The following ST6GALNAC4 variants were observed in gnomAD, a reference collection of about 807,000 sequenced individuals.
ST6GALNAC4 encodes the protein alpha-N-acetyl-neuraminyl-2,3-beta-galactosyl-1,3-N-acetyl-galactosaminide alpha-2,6-sialyltransferase.
In ST6GALNAC4, 24 loss-of-function variants were observed where a neutral mutation model predicts 30.4. The observed-to-expected ratio is 0.79, with a 90% confidence interval of 0.57 to 1.11. ST6GALNAC4 has a LOEUF of 1.11. ST6GALNAC4 is among the 50% of genes most tolerant of loss of function. ST6GALNAC4 has a pLI of 0.00. For missense variants in ST6GALNAC4, 365 were observed against 430.1 expected (o/e 0.85, Z 1.34); for synonymous variants, 156 against 179.7 (o/e 0.87, Z 1.05).
intron 3 of ST6GALNAC4, 93 bp downstream of exon 3, chr9:127,914,563 T>C (rs1241165852): frequency 5.9e-6 from 5 of 848,064 alleles, no homozygotes; most frequent in Non-Finnish European, 7.9e-6. Context: ...CAGGATCACA[T>C]GGCTGGTGAG....
chr9:127,910,607 C>G, intron 4 of ST6GALNAC4: 2 of 990,368 alleles, frequency 2.0e-6, no homozygotes, highest in East Asian at 1.1e-4. Flanking sequence ...GCCCCCATGC[C>G]CCACTCAGAG....
At chr9:127,916,352 T>C in intron 2 of ST6GALNAC4, 56 bp downstream of exon 2, 3 of 1,612,886 alleles carry the variant, frequency 1.9e-6, no homozygotes, top group Non-Finnish European at 2.5e-6. Context: ...GCTGCTGAGC[T>C]GCTCCGCCAG....
At chr9:127,914,391 CT>C in intron 3 of ST6GALNAC4, among the ~76,000 whole-genome samples, 2 of 73,214 alleles carry the variant, frequency 2.7e-5, no homozygotes, top group African/African-American at 3.5e-5. Context: ...AAAACTCCAT[CT>C]CAAAAAAAAA....
rs1001199065 is a variant in ST6GALNAC4, at chr9:127,916,566, G to A, written c.-75-72C>T. On this transcript the variant is annotated intron_variant, in intron 1 of 5. Coordinates refer to ENST00000335791, the MANE Select transcript of ST6GALNAC4 (RefSeq NM_175039.4). ...GGTTCTAAGCTATAGGGAAAACTGA[G>A]GCAGGAGAGGGTACAGGCCGGGGTG... 3.0e-5 allele frequency: 27 copies of A among 893,010 alleles called. No individual in the cohort carries two copies. In the Admixed American group the frequency reaches 3.7e-4, roughly 12 times the overall value. 55.3% of individuals were successfully genotyped at this position (893,010 alleles called of 1,614,324 possible). A position where few individuals can be genotyped will look rare whatever the true frequency, so the allele number is the denominator to read the frequency against.
chr9:127,912,200 C>G (rs536697673), intron 4 of ST6GALNAC4, 68 bp downstream of exon 4: 1 of 1,546,436 alleles, frequency 6.5e-7, no homozygotes, highest in South Asian at 1.2e-5. Flanking sequence ...CCCTGATGGA[C>G]AAGAGACTCC....
chr9:127,916,092 G>A (rs1831188643), intron 2 of ST6GALNAC4: 3 of 494,186 alleles, frequency 6.1e-6, no homozygotes, highest in Non-Finnish European at 1.1e-5. Context: ...CACAGCCCGG[G>A]GCTTCTGCAG....
intron 4 of ST6GALNAC4, 68 bp from the exon 5 acceptor site, chr9:127,910,126 AG>A (rs1351991741): frequency 2.1e-5 from 33 of 1,575,916 alleles, no homozygotes; most frequent in Non-Finnish European, 2.4e-5. Context: ...AGGCCCCAGC[AG>A]CACTTGGTAC....
intron 4 of ST6GALNAC4, chr9:127,910,594 C>G: frequency 1.0e-6 from 1 of 990,608 alleles, no homozygotes; most frequent in Non-Finnish European, 1.2e-6. Flanking sequence ...CCCCTGCCCG[C>G]ATGCCCCCAT....
In ST6GALNAC4 at chr9:127,908,364, G is replaced by A. The variant is rs113507935; in HGVS notation, c.*28C>T. On this transcript the variant is annotated 3_prime_UTR_variant, in exon 6 of 6. Coordinates refer to ENST00000335791, the MANE Select transcript of ST6GALNAC4 (RefSeq NM_175039.4). Reference sequence around the variant, plus strand: ...TGGGACATCCCGGAGGCCTCGCAACGGCATGGCGACTGGCAGGACGACGGA... The same window carrying A: ...TGGGACATCCCGGAGGCCTCGCAACAGCATGGCGACTGGCAGGACGACGGA... The A allele has an allele frequency of 3.2e-5, 48 of 1,512,598 alleles. No homozygotes were observed. Among genetic ancestry groups the A allele is most frequent in the African/African-American group, 8.3e-5 (6 of 72,472 alleles). The allele number at this position is 1,512,598 out of a possible 1,614,324, so 93.7% of individuals were successfully genotyped here. A position where few individuals can be genotyped will look rare whatever the true frequency, so the allele number is the denominator to read the frequency against.
At chr9:127,911,767 G>A (rs904467578) in intron 4 of ST6GALNAC4, among the ~76,000 whole-genome samples, 3 of 152,190 alleles carry the variant, frequency 2.0e-5, no homozygotes, top group Admixed American at 1.3e-4. Flanking sequence ...TTACAGGCGT[G>A]AGCCACCGGG....
intron 4 of ST6GALNAC4, chr9:127,910,545 A>G (rs1831053631): frequency 2.0e-6 from 2 of 991,364 alleles, no homozygotes; most frequent in Non-Finnish European, 1.2e-6. Flanking sequence ...AGTGGAGATA[A>G]TTTTAGGGGG....
chr9:127,915,373 C>T (rs997293757), intron 2 of ST6GALNAC4, among the ~76,000 whole-genome samples: 33 of 152,226 alleles, frequency 2.2e-4, no homozygotes, highest in Non-Finnish European at 4.4e-5. Flanking sequence ...CAGCCTAGGA[C>T]CAGGGCTGCC....
At chr9:127,913,415 T>C (rs1159064379) in intron 3 of ST6GALNAC4, among the ~76,000 whole-genome samples, 1 of 150,620 alleles carries the variant, frequency 6.6e-6, no homozygotes, top group Admixed American at 6.6e-5. Flanking sequence ...CAAAACCCCA[T>C]CTCTACTAAA....
intron 2 of ST6GALNAC4, among the ~76,000 whole-genome samples, chr9:127,915,261 G>A (rs979867212): frequency 6.6e-6 from 1 of 152,184 alleles, no homozygotes; most frequent in African/African-American, 2.4e-5. Flanking sequence ...TGCCCACCGT[G>A]TGAACTTACG....
At chr9:127,916,644 G>A in intron 1 of ST6GALNAC4, 150 bp from the exon 2 acceptor site, 1 of 605,504 alleles carries the variant, frequency 1.7e-6, no homozygotes. Context: ...AACACCGGAA[G>A]GCAATGTCCC....
chr9:127,913,969 T>G lies in ST6GALNAC4; in HGVS notation c.198+687A>C, dbSNP rs192897400. Among the ~76,000 whole-genome samples the G allele has an allele frequency of 2.6e-5, 4 of 152,134 alleles. No individual in the cohort carries two copies. The East Asian group carries it at 7.7e-4, about 29-fold the overall frequency. The stretch of plus-strand genomic sequence containing the variant: ...CCAGGACGAGACAGGCAAGAACCGG[T>G]GGCGGGAGGCTGAAGCATGAGAATC... On this transcript the variant is annotated intron_variant, in intron 3 of 5. Coordinates refer to ENST00000335791, the MANE Select transcript of ST6GALNAC4 (RefSeq NM_175039.4).
At chr9:127,911,314 C>G (rs1020176138) in intron 4 of ST6GALNAC4, among the ~76,000 whole-genome samples, 2 of 152,098 alleles carry the variant, frequency 1.3e-5, no homozygotes, top group African/African-American at 4.8e-5. Context: ...GGGGGATACA[C>G]CAGAGGCTGA....
Position 127,908,401 on chromosome 9 carries a change from C to T in ST6GALNAC4, c.900G>A (p.Arg300=), listed in dbSNP as rs1313882709. The T allele has an allele frequency of 1.3e-6, 2 of 1,554,036 alleles. No individual in the cohort carries two copies. Among genetic ancestry groups the T allele is most frequent in the Non-Finnish European group, 8.8e-7 (1 of 1,140,150 alleles). ...RPIVFAHPSW[R]TE is the part of the protein sequence containing the mutation. ...GGCAGGACGACGGAAGCTACTCAGT[C>T]CTCCAGGACGGATGGGCGAACACGA... Residue 300 remains arginine (R), a synonymous_variant, in exon 6 of 6, where the codon AGG becomes AGA. Coordinates refer to ENST00000335791, the MANE Select transcript of ST6GALNAC4 (RefSeq NM_175039.4).
chr9:127,910,213 C>G, intron 4 of ST6GALNAC4, 155 bp from the exon 5 acceptor site: 1 of 1,427,634 alleles, frequency 7.0e-7, no homozygotes, highest in Non-Finnish European at 9.2e-7. Flanking sequence ...ACAGAGCCAG[C>G]CCAAGGCCAG....
Sources: allele counts gnomAD v4.1 joint callset (sites outside exome capture counted in the v4.1 genomes callset), GRCh38; gene constraint gnomAD v4.1.1; transcripts MANE v1.5; gene names NCBI Gene and HGNC (gene_info 2026-07-23, HGNC 2026-07-21).